The following SORCS3 variants were observed in gnomAD, a reference collection of about 807,000 sequenced individuals.
The protein encoded by SORCS3 is VPS10 domain-containing receptor SorCS3.
In SORCS3, 57 loss-of-function variants were observed where a neutral mutation model predicts 146.3. That is an observed-to-expected ratio of 0.39 (90% CI 0.31 to 0.49). The LOEUF is 0.49. Ranked by LOEUF, SORCS3 falls within the 20% of genes least tolerant of loss-of-function variation. The pLI is 0.92. For synonymous variants in SORCS3, 653 were observed against 618.5 expected, an observed-to-expected ratio of 1.06 and a Z score of -0.83; for missense variants, 1,341 against 1,575.5, an observed-to-expected ratio of 0.85 and a Z score of 2.52.
chr10:104,661,999 C>A (rs754591640), intron 1 of SORCS3, among the ~76,000 whole-genome samples: 2 of 152,112 alleles, frequency 1.3e-5, no homozygotes, highest in Admixed American at 6.5e-5. Flanking sequence ...GTTCATTTTT[C>A]CCTCATAACT....
In SORCS3 at chr10:105,252,896, A is replaced by G. The variant is rs1310053434; in HGVS notation, c.3227A>G (p.Asp1076Gly). The G allele has an allele frequency of 1.9e-6, 3 of 1,613,566 alleles. No homozygotes were observed. Among genetic ancestry groups the G allele is most frequent in the Non-Finnish European group, 2.5e-6 (3 of 1,179,768 alleles). Residue 1076 changes from aspartate to glycine, a missense_variant, in exon 23 of 27, where the codon GAC becomes GGC. Physicochemically the swap from Asp to Gly is moderately conservative, Grantham distance 94. Transcript: ENST00000369701. ...LTERRKGNEGDLEQIVETLFN... is the reference protein window; with the variant it reads ...LTERRKGNEGGLEQIVETLFN... The stretch of plus-strand genomic sequence containing the variant: ...GAGAGGAGGAAAGGCAATGAAGGGG[A>G]CCTGGAACAAGTAAGTGAAAGTAAA...
chr10:105,104,614 A>G (rs1228899443), intron 6 of SORCS3, among the ~76,000 whole-genome samples: 1 of 152,230 alleles, frequency 6.6e-6, no homozygotes, highest in African/African-American at 2.4e-5. Flanking sequence ...AAAAATAATA[A>G]AAATGTATCT....
chr10:104,651,534 A>G (rs1365075105), intron 1 of SORCS3, among the ~76,000 whole-genome samples: 1 of 7,162 alleles, frequency 1.4e-4, no homozygotes, highest in Non-Finnish European at 3.3e-4. Context: ...GGGCTCTACT[A>G]AAAAAAAAAA....
chr10:104,949,757 G>A (rs2019409189), intron 3 of SORCS3, among the ~76,000 whole-genome samples: 1 of 152,128 alleles, frequency 6.6e-6, no homozygotes, highest in African/African-American at 2.4e-5. Flanking sequence ...AAATATGTAT[G>A]CTTTGAGTTT....
intron 14 of SORCS3, among the ~76,000 whole-genome samples, chr10:105,189,718 A>T (rs922609452): frequency 6.6e-6 from 1 of 152,140 alleles, no homozygotes; most frequent in Non-Finnish European, 1.5e-5. Flanking sequence ...TGGGTTCCAG[A>T]TCTTTGTGTC....
At chr10:105,027,393 T>TA (rs966215469) in intron 4 of SORCS3, among the ~76,000 whole-genome samples, 2 of 152,140 alleles carry the variant, frequency 1.3e-5, no homozygotes, top group Admixed American at 6.5e-5. Context: ...CAATGTACAA[T>TA]AAAAAAAGTA....
At chr10:105,154,363 TC>T (rs1371943439) in intron 9 of SORCS3, among the ~76,000 whole-genome samples, 2 of 152,190 alleles carry the variant, frequency 1.3e-5, no homozygotes, top group African/African-American at 4.8e-5. Flanking sequence ...GGCTTCTTTG[TC>T]CTGAGGTCTC....
chr10:104,988,210 C>T (rs569872849), intron 4 of SORCS3, among the ~76,000 whole-genome samples: 2 of 152,286 alleles, frequency 1.3e-5, no homozygotes, highest in East Asian at 3.9e-4. Flanking sequence ...GCCACCACAC[C>T]CCACTCTTCC....
intron 1 of SORCS3, among the ~76,000 whole-genome samples, chr10:104,780,089 T>C (rs552070866): frequency 1.3e-5 from 2 of 149,600 alleles, no homozygotes; most frequent in East Asian, 2.0e-4. Context: ...AATAATCGAA[T>C]TGGCTGCACT....
Position 104,995,128 on chromosome 10 carries a change from T to TTTTTTC in SORCS3, c.954+17646_954+17651dup, listed in dbSNP as rs1196792853. On this transcript the variant is annotated intron_variant, in intron 4 of 26. Transcript: ENST00000369701. ...CCAGTCTTTTTAATTTTGGCTTTTCTTTTTTCTTTTTCTTTTCTTTTCTTT... is the reference window on the plus strand; with the variant it reads ...CCAGTCTTTTTAATTTTGGCTTTTCTTTTTTCTTTTTCTTTTTCTTTTCTTTTCTTT... Among the ~76,000 whole-genome samples the TTTTTTC allele has an allele frequency of 3.0e-3, 460 of 151,930 alleles. 2 individuals are homozygous for TTTTTTC. The highest frequency in any genetic ancestry group is 0.01 in the African/African-American group (421 of 41,480).
rs556895598 is a variant in SORCS3 at position 104,996,075 on chromosome 10, G to A, written c.954+18582G>A. On this transcript the variant is annotated intron_variant, in intron 4 of 26. Transcript: ENST00000369701. ...AAATTAATTGGCCATATATGTGTGG[G>A]CTCTATTCTATGTCTGGACTCTATT... Among the ~76,000 whole-genome samples, 38 of 152,214 alleles carry A rather than the reference G, an allele frequency of 2.5e-4. No homozygotes were observed. The East Asian group carries it at 7.3e-3, about 29-fold the overall frequency.
intron 1 of SORCS3, among the ~76,000 whole-genome samples, chr10:104,792,164 A>G (rs949305125): frequency 1.3e-5 from 2 of 152,188 alleles, no homozygotes; most frequent in African/African-American, 4.8e-5. Context: ...TCTTTGCAAG[A>G]GAAACTCATG....
chr10:104,666,802 T>C (rs530946686), intron 1 of SORCS3, among the ~76,000 whole-genome samples: 2 of 152,260 alleles, frequency 1.3e-5, no homozygotes, highest in East Asian at 3.9e-4. Flanking sequence ...AGATGGGGTC[T>C]CACTGTGTTT....
intron 6 of SORCS3, among the ~76,000 whole-genome samples, chr10:105,104,084 TG>T (rs1589634445): frequency 6.6e-6 from 1 of 152,186 alleles, no homozygotes; most frequent in Non-Finnish European, 1.5e-5. Flanking sequence ...CATTTTTTTC[TG>T]TAAGTCTTTT....
intron 1 of SORCS3, among the ~76,000 whole-genome samples, chr10:104,645,879 T>G (rs1207975072): frequency 4.6e-5 from 7 of 152,224 alleles, no homozygotes; most frequent in African/African-American, 1.4e-4. Context: ...AACAGATTTT[T>G]CAAATAGCTT....
At chr10:104,997,582 T>C (rs1457176192) in intron 4 of SORCS3, among the ~76,000 whole-genome samples, 1 of 152,086 alleles carries the variant, frequency 6.6e-6, no homozygotes, top group Non-Finnish European at 1.5e-5. Context: ...ACATCAGGGA[T>C]TGAGGGTGAG....
intron 2 of SORCS3, among the ~76,000 whole-genome samples, chr10:104,887,063 T>C (rs1274218449): frequency 6.6e-6 from 1 of 152,236 alleles, no homozygotes; most frequent in Non-Finnish European, 1.5e-5. Context: ...AATAATTCAT[T>C]GTAGAGTGTC....
chr10:105,120,057 A>C (rs1032071080), intron 7 of SORCS3, among the ~76,000 whole-genome samples: 2 of 152,150 alleles, frequency 1.3e-5, no homozygotes, highest in African/African-American at 2.4e-5. Context: ...TAGTTTCCAT[A>C]ATCCGCATGT....
At position 105,164,398 on chromosome 10, in the gene SORCS3, A is replaced by G. The variant is rs775784429; in HGVS notation, c.1809+19A>G. 22 of 1,558,598 alleles carry G rather than the reference A, an allele frequency of 1.4e-5. 1 individual carries two copies. The South Asian group carries it at 2.2e-4, about 16-fold the overall frequency. On this transcript the variant is annotated intron_variant, in intron 12 of 26. Transcript: ENST00000369701. ...GAGACAGGTAACTGGGTGAATTGACAAAAAGGGAGGAGGCATTTAGAGTAA... is the reference window on the plus strand; with the variant it reads ...GAGACAGGTAACTGGGTGAATTGACGAAAAGGGAGGAGGCATTTAGAGTAA...
Sources: allele counts gnomAD v4.1 joint callset (sites outside exome capture counted in the v4.1 genomes callset), GRCh38; gene constraint gnomAD v4.1.1; transcripts MANE v1.5; gene names NCBI Gene and HGNC (gene_info 2026-07-23, HGNC 2026-07-21).